KHDRBS3: variants seen among roughly 807,000 people sequenced by gnomAD.
KHDRBS3 encodes the protein KH domain-containing, RNA-binding, signal transduction-associated protein 3.
Under a neutral mutation model 45.6 loss-of-function variants are expected in KHDRBS3, and 23 were observed. The ratio of observed to expected loss-of-function variants is 0.50; its 90% confidence interval spans 0.36 to 0.72. The LOEUF (loss-of-function observed/expected upper bound fraction) is 0.72, where lower values mean the gene tolerates loss of function less well. KHDRBS3 is among the 30% of genes least tolerant of loss of function. The pLI, the probability that KHDRBS3 is intolerant of heterozygous loss-of-function variation, is 0.00. For synonymous variants in KHDRBS3, 162 were observed against 156.5 expected (o/e 1.04, Z -0.26); for missense variants, 352 against 424.8 (o/e 0.83, Z 1.51).
At chr8:135,536,100 T>C (rs1204385103) in intron 2 of KHDRBS3, among the ~76,000 whole-genome samples, 1 of 152,120 alleles carries the variant, frequency 6.6e-6, no homozygotes, top group Non-Finnish European at 1.5e-5. Context: ...CAGGGCTCCA[T>C]ACTCTCATGC....
intron 7 of KHDRBS3, among the ~76,000 whole-genome samples, chr8:135,614,351 A>G (rs889739564): frequency 1.3e-5 from 2 of 151,692 alleles, no homozygotes; most frequent in African/African-American, 4.9e-5. Context: ...ATCTTCACAG[A>G]CCATTTCTGC....
intron 5 of KHDRBS3, among the ~76,000 whole-genome samples, chr8:135,565,759 G>A (rs1453041505): frequency 1.3e-4 from 20 of 152,218 alleles, no homozygotes; most frequent in Admixed American, 1.3e-4. Context: ...TTCTTCAAGC[G>A]CAAAGACTCA....
intron 2 of KHDRBS3, among the ~76,000 whole-genome samples, chr8:135,534,203 A>G (rs952654264): frequency 2.1e-5 from 3 of 140,152 alleles, no homozygotes; most frequent in African/African-American, 7.8e-5. Context: ...TTTATTTTAC[A>G]ATTCTTCTCA....
At chr8:135,561,019 A>T (rs1827141934) in intron 5 of KHDRBS3, among the ~76,000 whole-genome samples, 1 of 152,176 alleles carries the variant, frequency 6.6e-6, no homozygotes, top group East Asian at 1.9e-4. Context: ...CAATGTTTAT[A>T]TTCATACGGC....
chr8:135,552,973 T>G (rs1353097157), intron 4 of KHDRBS3, among the ~76,000 whole-genome samples: 2 of 152,240 alleles, frequency 1.3e-5, no homozygotes, highest in East Asian at 3.9e-4. Flanking sequence ...ATGCCTCCTG[T>G]CTCCGCTGCA....
Position 135,537,003 on chromosome 8 carries a change from T to A in KHDRBS3, c.208-5651T>A, listed in dbSNP as rs1364220454. 1.8e-4 allele frequency among the ~76,000 whole-genome samples: 17 copies of A among 94,756 alleles called. 1 individual carries two copies. The highest frequency in any genetic ancestry group is 3.2e-4 in the African/African-American group (7 of 22,150). The allele number at this position is 94,756 out of a possible 152,430, so 62.2% of individuals were successfully genotyped here. ...AAAAAAAAAAAAAAAAAAAAGGAGA[T>A]GTTTAGGAGGTAAAATCATTAACAT... On this transcript the variant is annotated intron_variant, in intron 2 of 8. Transcript: ENST00000355849.
At chr8:135,582,240 A>T (rs1352212861) in intron 6 of KHDRBS3, among the ~76,000 whole-genome samples, 167 bp downstream of exon 6, 1 of 152,210 alleles carries the variant, frequency 6.6e-6, no homozygotes, top group Admixed American at 6.5e-5. Flanking sequence ...TTAATACTAG[A>T]GGTATAAAAA....
intron 1 of KHDRBS3, among the ~76,000 whole-genome samples, chr8:135,511,425 C>T (rs1416947849): frequency 6.6e-6 from 1 of 151,970 alleles, no homozygotes; most frequent in Non-Finnish European, 1.5e-5. Context: ...CTTTCTTTTC[C>T]TCCTGTCTTC....
chr8:135,479,789 A>T (rs1563708530), intron 1 of KHDRBS3, among the ~76,000 whole-genome samples: 1 of 152,200 alleles, frequency 6.6e-6, no homozygotes, highest in Admixed American at 6.5e-5. Context: ...CTTTTAGACC[A>T]TAGAAGCTTC....
intron 4 of KHDRBS3, among the ~76,000 whole-genome samples, chr8:135,553,298 A>G (rs1298364276): frequency 6.6e-6 from 1 of 152,154 alleles, no homozygotes; most frequent in Admixed American, 6.5e-5. Flanking sequence ...GTCAGTTTTC[A>G]GACTCCTAAA....
intron 5 of KHDRBS3, among the ~76,000 whole-genome samples, chr8:135,568,286 T>C (rs371533678): frequency 6.6e-6 from 1 of 152,206 alleles, no homozygotes; most frequent in East Asian, 1.9e-4. Flanking sequence ...TAAAACTGAA[T>C]TTATTCTAAA....
intron 1 of KHDRBS3, among the ~76,000 whole-genome samples, chr8:135,515,609 A>G (rs1014559857): frequency 6.6e-6 from 1 of 152,076 alleles, no homozygotes; most frequent in Non-Finnish European, 1.5e-5. Context: ...ACTAGTGGTC[A>G]ATAGCAGAAG....
At chr8:135,469,335 A>G (rs1377897243) in intron 1 of KHDRBS3, among the ~76,000 whole-genome samples, 1 of 152,110 alleles carries the variant, frequency 6.6e-6, no homozygotes, top group Non-Finnish European at 1.5e-5. Flanking sequence ...CCCAGGCTGG[A>G]GTGCAGTGGC....
intron 1 of KHDRBS3, among the ~76,000 whole-genome samples, chr8:135,501,028 A>G (rs140438356): frequency 4.1e-4 from 63 of 152,142 alleles, no homozygotes; most frequent in African/African-American, 1.5e-3. Context: ...GAAAAAAATG[A>G]CCCTCCTGCA....
chr8:135,468,015 T>G (rs1272695823), intron 1 of KHDRBS3, among the ~76,000 whole-genome samples: 3 of 152,152 alleles, frequency 2.0e-5, no homozygotes, highest in Admixed American at 2.0e-4. Context: ...TGCTCCTTCT[T>G]TCTCCCTCTT....
intron 7 of KHDRBS3, among the ~76,000 whole-genome samples, chr8:135,609,939 G>A (rs1273867636): frequency 1.3e-5 from 2 of 151,720 alleles, no homozygotes; most frequent in African/African-American, 2.4e-5. Context: ...AATGCTTTTT[G>A]TATTTGATTT....
chr8:135,621,859 G>C (rs1263205365), intron 7 of KHDRBS3, among the ~76,000 whole-genome samples: 1 of 152,116 alleles, frequency 6.6e-6, no homozygotes, highest in Admixed American at 6.5e-5. Flanking sequence ...TTTTGTGATG[G>C]ACCTTCATAC....
At chr8:135,496,900 G>A (rs1784904610) in intron 1 of KHDRBS3, among the ~76,000 whole-genome samples, 1 of 152,144 alleles carries the variant, frequency 6.6e-6, no homozygotes, top group South Asian at 2.1e-4. Context: ...TCATGGCTTG[G>A]GCTTCTTAGA....
At chr8:135,588,305 G>T (rs945750047) in intron 6 of KHDRBS3, among the ~76,000 whole-genome samples, 1 of 152,286 alleles carries the variant, frequency 6.6e-6, no homozygotes, top group African/African-American at 2.4e-5. Context: ...TCAGATGGAA[G>T]AGACACATAG....
Sources: gnomAD v4.1 joint callset for allele counts (sites outside exome capture counted in the v4.1 genomes callset) on GRCh38, gnomAD v4.1.1 for gene constraint, MANE v1.5 for transcripts, NCBI Gene and HGNC (gene_info 2026-07-23, HGNC 2026-07-21) for gene names.